The following KLHL22 variants were observed in gnomAD, a reference collection of about 807,000 sequenced individuals.
The protein encoded by KLHL22 is kelch-like protein 22.
Under a neutral mutation model 60.7 loss-of-function variants are expected in KLHL22, and 18 were observed. That is an observed-to-expected ratio of 0.30 (90% confidence interval 0.20 to 0.44). The LOEUF is 0.44. Among genes scored for constraint, KLHL22 ranks in the 20% least tolerant of loss-of-function variants. KLHL22 has a pLI of 1.00. For synonymous variants in KLHL22, 355 were observed against 354.5 expected (o/e 1.00, Z -0.01); for missense variants, 596 against 852.3 (o/e 0.70, Z 3.74).
intron 5 of KLHL22, among the ~76,000 whole-genome samples, chr22:20,452,407 C>T (rs1035810642): frequency 6.6e-6 from 1 of 152,090 alleles, no homozygotes; most frequent in African/African-American, 2.4e-5. Context: ...TTTTGGAGGT[C>T]AGGGTTTGTA....
intron 1 of KLHL22, chr22:20,493,035 C>T: frequency 5.0e-6 from 2 of 402,736 alleles, no homozygotes; most frequent in Non-Finnish European, 1.0e-5. Context: ...TATACCCACG[C>T]CTCAGCTTTC....
intron 5 of KLHL22, among the ~76,000 whole-genome samples, chr22:20,448,201 G>C (rs2052909427): frequency 6.6e-6 from 1 of 152,114 alleles, no homozygotes; most frequent in Admixed American, 6.6e-5. Flanking sequence ...CCCCAACCCA[G>C]GTTCTACCAG....
At chr22:20,443,706 C>T (rs1272618602) in intron 6 of KLHL22, among the ~76,000 whole-genome samples, 1 of 149,946 alleles carries the variant, frequency 6.7e-6, no homozygotes, top group Non-Finnish European at 1.5e-5. Context: ...CACTGCACTC[C>T]AGCCTGGCGA....
intron 5 of KLHL22, chr22:20,451,708 AAGT>A: frequency 6.3e-7 from 1 of 1,579,974 alleles, no homozygotes; most frequent in Non-Finnish European, 8.7e-7. Context: ...ATATGAAGGT[AAGT>A]CCCTGCTAAG....
At chr22:20,476,742 C>T (rs1421754631) in intron 2 of KLHL22, among the ~76,000 whole-genome samples, 17 of 119,186 alleles carry the variant, frequency 1.4e-4, no homozygotes, top group African/African-American at 5.5e-4. Context: ...GAGTCTCGCT[C>T]TTGTTGCCCA....
At chr22:20,479,207 A>G (rs1056270072) in intron 2 of KLHL22, among the ~76,000 whole-genome samples, 13 of 151,960 alleles carry the variant, frequency 8.6e-5, no homozygotes, top group African/African-American at 2.9e-4. Flanking sequence ...CAACCTCCCA[A>G]GTAGTTGGGA....
intron 4 of KLHL22, among the ~76,000 whole-genome samples, chr22:20,463,320 T>C (rs2053183867): frequency 6.6e-6 from 1 of 152,184 alleles, no homozygotes; most frequent in Non-Finnish European, 1.5e-5. Flanking sequence ...TCAGCTTTGG[T>C]CTCACACCCC....
At chr22:20,476,695 G>C (rs1332308400) in intron 2 of KLHL22, among the ~76,000 whole-genome samples, 2 of 145,514 alleles carry the variant, frequency 1.4e-5, no homozygotes, top group Non-Finnish European at 3.0e-5. Flanking sequence ...TTACAGGCGT[G>C]AGCCACCACG....
At chr22:20,486,415 G>A (rs1489930253) in intron 2 of KLHL22, among the ~76,000 whole-genome samples, 3 of 152,034 alleles carry the variant, frequency 2.0e-5, no homozygotes, top group Admixed American at 6.6e-5. Flanking sequence ...GAAAGGCTCT[G>A]TCCTGCACCA....
chr22:20,490,911 C>T (rs1234041583), intron 1 of KLHL22, among the ~76,000 whole-genome samples: 1 of 152,122 alleles, frequency 6.6e-6, no homozygotes, highest in Non-Finnish European at 1.5e-5. Context: ...GTTGCGGACC[C>T]CTGCTCTAAT....
intron 2 of KLHL22, among the ~76,000 whole-genome samples, chr22:20,478,508 CTT>C (rs1196419660): frequency 8.9e-5 from 6 of 67,676 alleles, no homozygotes; most frequent in Admixed American, 5.7e-4. Context: ...AAACTTAATT[CTT>C]TTTTTTTTTT....
At chr22:20,482,208 C>T (rs1012498574) in intron 2 of KLHL22, 1 of 152,558 alleles carries the variant, frequency 6.6e-6, no homozygotes, top group East Asian at 1.9e-4. Context: ...AGCCACCACG[C>T]CCTGCTCAAA....
chr22:20,463,584 C>A (rs916258192), intron 4 of KLHL22, among the ~76,000 whole-genome samples: 48 of 152,332 alleles, frequency 3.2e-4, no homozygotes, highest in African/African-American at 1.1e-3. Context: ...CTGGCCTTGG[C>A]CCCCCAACTG....
In KLHL22 at chr22:20,442,226, T is replaced by C. The variant is rs1290801224; in HGVS notation, c.1752A>G (p.Ser584=). The change falls in exon 7 of 7, where the codon TCA becomes TCG. Residue 584 remains serine (S), a synonymous_variant. Coordinates refer to ENST00000328879, the MANE Select transcript of KLHL22 (RefSeq NM_032775.4). ...EEGPQLDNSI[S]GLAACVLTLP... ...GGGTGAGCACACAGGCCGCCAGGCC[T>C]GAGATGGAGTTGTCCAGCTGGGGCC... 6.2e-7 allele frequency: 1 copy of C among 1,608,150 alleles called. No homozygotes were observed. The highest frequency in any genetic ancestry group is 1.1e-5 in the South Asian group (1 of 90,352).
chr22:20,470,691 G>GATGGATGGATGGATGCATGC (rs2053302959), intron 3 of KLHL22, among the ~76,000 whole-genome samples: 1 of 150,354 alleles, frequency 6.7e-6, no homozygotes, highest in Admixed American at 6.6e-5. Context: ...TGGATGGATG[G>GATGGATGGATGGATGCATGC]ATGGATGGAT....
At chr22:20,484,355 C>T (rs1165739595) in intron 2 of KLHL22, among the ~76,000 whole-genome samples, 5 of 152,062 alleles carry the variant, frequency 3.3e-5, no homozygotes, top group South Asian at 2.1e-4. Context: ...AGTGCAGTGA[C>T]GCGATCTCAG....
Position 20,465,547 on chromosome 22 carries a change from A to G in KLHL22, c.423T>C (p.Asp141=). The G allele has an allele frequency of 6.3e-7, 1 of 1,582,904 alleles. No homozygotes were observed. Among genetic ancestry groups the G allele is most frequent in the Non-Finnish European group, 8.7e-7 (1 of 1,151,622 alleles). The change falls in exon 4 of 7, where the codon GAT becomes GAC. Residue 141 remains aspartate, a synonymous_variant. Transcript: ENST00000328879. The surrounding 1 kb of genome is among the most constrained non-coding windows in gnomAD (Gnocchi z 4.9). ...QIPEIIHFCC[D]FLMSWVDEEN... ...CTTCGTCCACCCAGGACATGAGGAA[A>G]TCACAGCAGAAATGGATAATTTCTG...
intron 2 of KLHL22, among the ~76,000 whole-genome samples, chr22:20,473,434 C>T (rs1181713053): frequency 6.6e-6 from 1 of 152,126 alleles, no homozygotes; most frequent in Admixed American, 6.6e-5. Flanking sequence ...AGTGTAGACA[C>T]TGATTAGGTG....
At chr22:20,454,110 C>T (rs1004587657) in intron 5 of KLHL22, among the ~76,000 whole-genome samples, 1 of 152,172 alleles carries the variant, frequency 6.6e-6, no homozygotes, top group Non-Finnish European at 1.5e-5. Flanking sequence ...AGACAGATCC[C>T]TTGAGACCAG....
Sources: allele counts gnomAD v4.1 joint callset (sites outside exome capture counted in the v4.1 genomes callset), GRCh38; gene constraint gnomAD v4.1.1; non-coding constraint Gnocchi (gnomAD v3.1); transcripts MANE v1.5; gene names NCBI Gene and HGNC (gene_info 2026-07-23, HGNC 2026-07-21).